RAD51B: variants seen among roughly 807,000 people sequenced by gnomAD.
The protein encoded by RAD51B is DNA repair protein RAD51 homolog 2.
RAD51B carries 38 observed loss-of-function variants against 42.2 expected under a neutral mutation model. The ratio of observed to expected loss-of-function variants is 0.90; its 90% CI spans 0.70 to 1.18. The LOEUF (loss-of-function observed/expected upper bound fraction) is 1.18. Ranked by LOEUF, RAD51B falls within the 50% of genes most tolerant of loss-of-function variation. The pLI, the probability that RAD51B is intolerant of heterozygous loss-of-function variation, is 0.00. For missense variants in RAD51B, 373 were observed against 400.7 expected (o/e 0.93, Z 0.59); for synonymous variants, 154 against 145.2 (o/e 1.06, Z -0.43).
At position 68,682,910 on chromosome 14, in the gene RAD51B, C is replaced by CTTTTTTTTTT. The variant is rs535044457; in HGVS notation, c.*11+32065_*11+32074dup. The CTTTTTTTTTT allele has an allele frequency of 5.1e-5, 36 of 701,274 alleles. 2 individuals carry two copies. In the East Asian group the frequency reaches 6.0e-4, roughly 12 times the overall value. 43.4% of individuals were successfully genotyped at this position (701,274 alleles called of 1,614,324 possible). On this transcript the variant is annotated intron_variant, in intron 11 of 11. Coordinates refer to the RAD51B transcript ENST00000488612. ...TTTAATAAAAATCTGTAGCTTATGG[C>CTTTTTTTTTT]TTTTTTTTTTTTTTTTTTTTGTATA...
At chr14:68,590,241 G>A (rs902639053) in intron 10 of RAD51B, among the ~76,000 whole-genome samples, 1 of 152,332 alleles carries the variant, frequency 6.6e-6, no homozygotes, top group South Asian at 2.1e-4. Flanking sequence ...GACTGATGGA[G>A]TGAGAGCTGA....
At chr14:67,896,760 T>C (rs895363227) in intron 7 of RAD51B, among the ~76,000 whole-genome samples, 10 of 152,234 alleles carry the variant, frequency 6.6e-5, no homozygotes, top group South Asian at 2.1e-4. Context: ...TCCTTTGCGT[T>C]TCTTGAATGT....
chr14:68,574,735 C>G (rs1022439021), intron 10 of RAD51B, among the ~76,000 whole-genome samples: 2 of 152,228 alleles, frequency 1.3e-5, no homozygotes, highest in South Asian at 4.1e-4. Flanking sequence ...CCCCATCACC[C>G]TTCTCCAACA....
chr14:68,129,860 G>A (rs557625565), intron 7 of RAD51B, among the ~76,000 whole-genome samples: 1 of 152,342 alleles, frequency 6.6e-6, no homozygotes, highest in East Asian at 1.9e-4. Context: ...CTAGATGATA[G>A]TGATGCTGGT....
At chr14:68,629,420 T>A (rs1388160100) in intron 10 of RAD51B, among the ~76,000 whole-genome samples, 1 of 152,226 alleles carries the variant, frequency 6.6e-6, no homozygotes, top group Non-Finnish European at 1.5e-5. Flanking sequence ...GCATTTCACA[T>A]TGGGTCTTGG....
At chr14:68,123,820 C>T (rs947474936) in intron 7 of RAD51B, among the ~76,000 whole-genome samples, 2 of 152,068 alleles carry the variant, frequency 1.3e-5, no homozygotes, top group African/African-American at 4.8e-5. Flanking sequence ...AAAAACAAAA[C>T]CAACCAACCA....
chr14:68,372,640 C>T (rs2083287653), intron 8 of RAD51B, among the ~76,000 whole-genome samples: 1 of 152,166 alleles, frequency 6.6e-6, no homozygotes, highest in Non-Finnish European at 1.5e-5. Flanking sequence ...TCATTAAAAA[C>T]TTATGTCACC....
At chr14:67,876,331 A>G (rs1168403633) in intron 5 of RAD51B, among the ~76,000 whole-genome samples, 1 of 152,202 alleles carries the variant, frequency 6.6e-6, no homozygotes, top group African/African-American at 2.4e-5. Context: ...TTTTATTTCA[A>G]GTTGGCATGT....
intron 7 of RAD51B, among the ~76,000 whole-genome samples, chr14:68,268,491 G>T (rs1007993572): frequency 6.6e-6 from 1 of 152,134 alleles, no homozygotes; most frequent in Admixed American, 6.5e-5. Flanking sequence ...TGTCTTATAG[G>T]GGGTAATAGT....
At chr14:68,629,483 G>T (rs1306167820) in intron 10 of RAD51B, among the ~76,000 whole-genome samples, 1 of 152,208 alleles carries the variant, frequency 6.6e-6, no homozygotes, top group African/African-American at 2.4e-5. Context: ...AAAAGTGTGT[G>T]CTTGGTCTTA....
intron 7 of RAD51B, among the ~76,000 whole-genome samples, chr14:68,053,569 G>C (rs1027569839): frequency 5.3e-5 from 8 of 152,180 alleles, no homozygotes; most frequent in African/African-American, 1.9e-4. Flanking sequence ...GATAGAGACT[G>C]AGAATGAGAA....
At chr14:68,443,541 C>T (rs1368239154) in intron 9 of RAD51B, among the ~76,000 whole-genome samples, 1 of 152,028 alleles carries the variant, frequency 6.6e-6, no homozygotes, top group Admixed American at 6.6e-5. Context: ...GATATGTGAG[C>T]CTTATGTGGA....
chr14:67,970,341 C>G (rs139909453), intron 7 of RAD51B, among the ~76,000 whole-genome samples: 1 of 152,104 alleles, frequency 6.6e-6, no homozygotes, highest in Non-Finnish European at 1.5e-5. Context: ...TTTAGGCCAG[C>G]AAAAGTGTTC....
intron 7 of RAD51B, among the ~76,000 whole-genome samples, chr14:67,895,209 T>C (rs752251620): frequency 2.0e-5 from 3 of 152,262 alleles, no homozygotes; most frequent in Non-Finnish European, 4.4e-5. Flanking sequence ...TTGTAGCTCT[T>C]AGTCTTTAGC....
intron 7 of RAD51B, among the ~76,000 whole-genome samples, chr14:68,289,068 T>C (rs2081466912): frequency 6.6e-6 from 1 of 152,160 alleles, no homozygotes; most frequent in Non-Finnish European, 1.5e-5. Context: ...AGGACTAAAA[T>C]AGGTAGAAAT....
At chr14:68,129,727 C>T (rs1214478761) in intron 7 of RAD51B, among the ~76,000 whole-genome samples, 1 of 152,170 alleles carries the variant, frequency 6.6e-6, no homozygotes, top group East Asian at 1.9e-4. Context: ...GCAGAGTGTA[C>T]TCCAGTGGTT....
At chr14:68,387,623 AAAGTT>A (rs2083625853) in intron 8 of RAD51B, among the ~76,000 whole-genome samples, 2 of 152,260 alleles carry the variant, frequency 1.3e-5, no homozygotes, top group South Asian at 4.1e-4. Context: ...AGCAGAAAGT[AAAGTT>A]ATCACAAGGA....
chr14:67,857,770 T>TC (rs991291803), intron 4 of RAD51B: 2 of 153,112 alleles, frequency 1.3e-5, no homozygotes, highest in African/African-American at 4.8e-5. Flanking sequence ...GACAGGGGTA[T>TC]CCCATTTACT....
chr14:68,428,239 T>G (rs965962521), intron 9 of RAD51B, among the ~76,000 whole-genome samples: 1 of 152,242 alleles, frequency 6.6e-6, no homozygotes, highest in Non-Finnish European at 1.5e-5. Context: ...TTAAAATATT[T>G]AGTAATAAAT....
Sources: gnomAD v4.1 joint callset for allele counts (sites outside exome capture counted in the v4.1 genomes callset) on GRCh38, gnomAD v4.1.1 for gene constraint, MANE v1.5 for transcripts, NCBI Gene and HGNC (gene_info 2026-07-23, HGNC 2026-07-21) for gene names.